The following PDZD2 variants were observed in gnomAD, a reference collection of about 807,000 sequenced individuals.
PDZD2 encodes the protein PDZ domain containing 2.
A neutral mutation model predicts 220.7 loss-of-function variants in PDZD2; 90 were observed. The observed-to-expected ratio is 0.41, with a 90% CI of 0.34 to 0.49. The LOEUF (loss-of-function observed/expected upper bound fraction) is 0.49, where lower values mean the gene tolerates loss of function less well. Ranked by LOEUF, PDZD2 falls within the 20% of genes least tolerant of loss-of-function variation. PDZD2 has a pLI of 0.28. For synonymous variants in PDZD2, 1,375 were observed against 1,450.5 expected (o/e 0.95, Z 1.18); for missense variants, 3,174 against 3,608.5 (o/e 0.88, Z 3.08).
chr5:31,682,799 C>T (rs1230644777), intron 1 of PDZD2, among the ~76,000 whole-genome samples: 1 of 151,910 alleles, frequency 6.6e-6, no homozygotes, highest in Non-Finnish European at 1.5e-5. Context: ...TAGACCAAGA[C>T]GCTCCATTTC....
intron 2 of PDZD2, among the ~76,000 whole-genome samples, chr5:31,874,719 C>G (rs932264158): frequency 6.6e-6 from 1 of 150,950 alleles, no homozygotes; most frequent in Non-Finnish European, 1.5e-5. Context: ...TGAGATCGTG[C>G]CACTACACTC....
At position 31,995,721 on chromosome 5, in the gene PDZD2, G is replaced by T; in HGVS notation, c.1121+3G>T. ...AAGGAAGGAGGTGCCGCTCACAGGT[G>T]ACTAGATAACTCTCCCCTCTCCCCC... On this transcript the variant is annotated splice_donor_region_variant and intron_variant, in intron 4 of 24. Transcript: ENST00000438447. 6.2e-7 allele frequency: 1 copy of T among 1,613,036 alleles called. No individual in the cohort carries two copies.
Position 31,823,911 on chromosome 5 carries a change from G to A in PDZD2, c.476+24187G>A, listed in dbSNP as rs142459889. On this transcript the variant is annotated intron_variant, in intron 2 of 24. Coordinates refer to ENST00000438447, the MANE Select transcript of PDZD2 (RefSeq NM_178140.4). Reference sequence around the variant, plus strand: ...AGTAAACTGTGAACATGTGTAAGGCGAAGGGGCTTGCACTAGGATAGTAAA... The same window carrying A: ...AGTAAACTGTGAACATGTGTAAGGCAAAGGGGCTTGCACTAGGATAGTAAA... Among the ~76,000 whole-genome samples the A allele has an allele frequency of 2.8e-4, 42 of 152,288 alleles. No individual in the cohort carries two copies. The East Asian group carries it at 7.3e-3, about 27-fold the overall frequency.
At position 32,108,062 on chromosome 5, in the gene PDZD2, C is replaced by A; in HGVS notation, c.8447C>A (p.Ala2816Asp). Residue 2816 changes from alanine to aspartate, a missense_variant, in exon 25 of 25, where the codon GCC becomes GAC. This residue lies in a region of PDZD2 where 631 missense variants were observed against 789.9 expected (regional missense o/e 0.80). Coordinates refer to ENST00000438447, the MANE Select transcript of PDZD2 (RefSeq NM_178140.4). Reference sequence around the variant, plus strand: ...CTGGTTGGGCTCATGCACTTTGATGCCTGGAATATTATGAAGTCTGTCCCA... The same window carrying A: ...CTGGTTGGGCTCATGCACTTTGATGACTGGAATATTATGAAGTCTGTCCCA... Reference protein sequence around the residue: ...KPLVGLMHFDAWNIMKSVPEG... With the variant: ...KPLVGLMHFDDWNIMKSVPEG... The A allele has an allele frequency of 6.2e-7, 1 of 1,609,530 alleles. No homozygotes were observed. Among genetic ancestry groups the A allele is most frequent in the Non-Finnish European group, 8.5e-7 (1 of 1,175,910 alleles).
At chr5:31,838,273 G>A (rs568283857) in intron 2 of PDZD2, among the ~76,000 whole-genome samples, 2 of 152,236 alleles carry the variant, frequency 1.3e-5, no homozygotes, top group Non-Finnish European at 2.9e-5. Context: ...GGCCAGGCTG[G>A]TCTTGAAGTC....
chr5:31,875,593 AAAAAATATATATATATATTTT>A (rs1183200417), intron 2 of PDZD2, among the ~76,000 whole-genome samples: 1 of 144,794 alleles, frequency 6.9e-6, no homozygotes, highest in Non-Finnish European at 1.5e-5. Context: ...TCAAAAAAAA[AAAAAATATATATATATATTTT>A]AAAAATATAT....
intron 2 of PDZD2, among the ~76,000 whole-genome samples, chr5:31,956,498 G>C (rs1747699921): frequency 7.1e-6 from 1 of 141,750 alleles, no homozygotes; most frequent in Admixed American, 7.2e-5. Context: ...AGCGAGCCGA[G>C]ATCTCACCAC....
chr5:31,797,571 G>A (rs771862879), intron 1 of PDZD2, among the ~76,000 whole-genome samples: 27 of 152,016 alleles, frequency 1.8e-4, no homozygotes, highest in South Asian at 8.3e-4. Flanking sequence ...CTGACCTTGC[G>A]ATCCTCCCGC....
chr5:31,669,597 A>G (rs372452975), intron 1 of PDZD2, among the ~76,000 whole-genome samples: 1 of 152,266 alleles, frequency 6.6e-6, no homozygotes, highest in Non-Finnish European at 1.5e-5. Context: ...ACTAAGTTTT[A>G]CTGATAGGAC....
intron 24 of PDZD2, among the ~76,000 whole-genome samples, chr5:32,105,178 G>C (rs1353358499): frequency 3.9e-5 from 6 of 152,044 alleles, no homozygotes; most frequent in Admixed American, 3.9e-4. Flanking sequence ...CAGAATATAT[G>C]AAGAACTATA....
intron 2 of PDZD2, among the ~76,000 whole-genome samples, chr5:31,869,460 G>T (rs1019489472): frequency 1.3e-5 from 2 of 152,060 alleles, no homozygotes; most frequent in Non-Finnish European, 2.9e-5. Flanking sequence ...CTACTTGGGA[G>T]GCTGAGGCAG....
intron 1 of PDZD2, among the ~76,000 whole-genome samples, chr5:31,652,853 A>G (rs1745403618): frequency 6.6e-6 from 1 of 152,192 alleles, no homozygotes; most frequent in South Asian, 2.1e-4. Context: ...TCTGCTAAAA[A>G]TACAGAAAAG....
At chr5:32,076,288 G>GAAAAAAA (rs67898034) in intron 18 of PDZD2, among the ~76,000 whole-genome samples, 170 of 87,656 alleles carry the variant, frequency 1.9e-3, no homozygotes, top group Non-Finnish European at 2.3e-3. Context: ...TCGGTCTCAA[G>GAAAAAAA]AAAAAAAAAA....
intron 1 of PDZD2, among the ~76,000 whole-genome samples, chr5:31,747,423 C>G (rs1439019253): frequency 1.3e-5 from 2 of 152,226 alleles, no homozygotes; most frequent in Middle Eastern, 3.4e-3. Flanking sequence ...ATGCTCCTTT[C>G]CTCTGAATGT....
chr5:31,908,107 A>G (rs1385610719), intron 2 of PDZD2, among the ~76,000 whole-genome samples: 2 of 147,378 alleles, frequency 1.4e-5, no homozygotes, highest in African/African-American at 2.5e-5. Flanking sequence ...AAAAAAAAAA[A>G]AGAAAGAAAA....
intron 7 of PDZD2, among the ~76,000 whole-genome samples, chr5:32,040,895 C>T (rs576924149): frequency 1.7e-3 from 248 of 142,156 alleles, no homozygotes; most frequent in Non-Finnish European, 2.8e-3. Flanking sequence ...TCTGCCTGGC[C>T]GCCCTGTCTG....
intron 14 of PDZD2, among the ~76,000 whole-genome samples, chr5:32,064,583 T>C (rs1740029232): frequency 2.0e-5 from 3 of 152,312 alleles, no homozygotes; most frequent in Middle Eastern, 3.4e-3. Context: ...TTTTGAGCGC[T>C]TGTTGTAAAA....
Position 31,799,535 on chromosome 5 carries a change from A to G in PDZD2, c.287A>G (p.Tyr96Cys). Residue 96 changes from tyrosine (Y) to cysteine (C), a missense_variant, in exon 2 of 25, where the codon TAT (tyrosine) becomes TGT (cysteine). By Grantham distance (194) the Tyr-to-Cys change is radical. Transcript: ENST00000438447. ...SFGNIPVFGDYGEKRRGGKKR... is the reference protein window; with the variant it reads ...SFGNIPVFGDCGEKRRGGKKR... ...GGGAACATCCCTGTTTTCGGGGACT[A>G]TGGTGAAAAGCGCAGGGGGGGCAAG... is the stretch of plus-strand genomic sequence containing the variant. 2 of 1,614,100 alleles carry G rather than the reference A, an allele frequency of 1.2e-6. No homozygotes were observed. Among genetic ancestry groups the G allele is most frequent in the African/African-American group, 1.3e-5 (1 of 75,030 alleles).
chr5:31,880,791 C>CTTTTTCCTTTTTTTTTTTTTT (rs1739798959), intron 2 of PDZD2, among the ~76,000 whole-genome samples: 1 of 76,486 alleles, frequency 1.3e-5, no homozygotes, highest in African/African-American at 6.5e-5. Context: ...TTTTTTTTTT[C>CTTTTTCCTTTTTTTTTTTTTT]TTTTTTTTTT....
Sources: gnomAD v4.1 joint callset for allele counts (sites outside exome capture counted in the v4.1 genomes callset) on GRCh38, gnomAD v4.1.1 for gene constraint, gnomAD v4.1.1 regional missense constraint, MANE v1.5 for transcripts, NCBI Gene and HGNC (gene_info 2026-07-23, HGNC 2026-07-21) for gene names.